Variants in SGCZ observed in about 807,000 individuals in gnomAD.
The protein encoded by SGCZ is zeta-sarcoglycan.
Under a neutral mutation model 41.3 loss-of-function variants are expected in SGCZ, and 40 were observed. The observed-to-expected ratio is 0.97, with a 90% CI of 0.75 to 1.26. The LOEUF (loss-of-function observed/expected upper bound fraction) is 1.26. Ranked by LOEUF, SGCZ falls within the 50% of genes most tolerant of loss-of-function variation. The probability of loss-of-function intolerance (pLI) is 0.00; values close to 1 mark genes in which losing one functional copy is unlikely to be tolerated. For synonymous variants in SGCZ, 206 were observed against 137.5 expected, an observed-to-expected ratio of 1.50 and a Z score of -3.49; for missense variants, 552 against 369.8, an observed-to-expected ratio of 1.49 and a Z score of -4.04.
intron 1 of SGCZ, among the ~76,000 whole-genome samples, chr8:14,563,243 C>A (rs1804261805): frequency 6.6e-6 from 1 of 152,108 alleles, no homozygotes; most frequent in South Asian, 2.1e-4. Context: ...ACAGTCTTCA[C>A]CTTTTCTACT....
At chr8:15,156,642 A>G (rs1371004584) in intron 1 of SGCZ, among the ~76,000 whole-genome samples, 1 of 152,150 alleles carries the variant, frequency 6.6e-6, no homozygotes, top group Non-Finnish European at 1.5e-5. Flanking sequence ...ATACATACCA[A>G]TGTAAAGAAA....
chr8:14,946,291 G>C (rs1800443615), intron 1 of SGCZ, among the ~76,000 whole-genome samples: 1 of 151,084 alleles, frequency 6.6e-6, no homozygotes, highest in Admixed American at 6.6e-5. Flanking sequence ...TCAGTAAACT[G>C]TTCATTGGGC....
chr8:14,703,262 AC>A (rs1290986419), intron 1 of SGCZ, among the ~76,000 whole-genome samples: 2 of 151,702 alleles, frequency 1.3e-5, no homozygotes, highest in Non-Finnish European at 1.5e-5. Flanking sequence ...CTTACCGTCA[AC>A]CCCTTTGCTC....
chr8:14,978,648 C>A (rs1339291201), intron 1 of SGCZ, among the ~76,000 whole-genome samples: 3 of 152,108 alleles, frequency 2.0e-5, no homozygotes, highest in Admixed American at 2.0e-4. Flanking sequence ...AGGCCTGAAA[C>A]AAGTCTTCAA....
At chr8:15,156,859 C>T (rs182771953) in intron 1 of SGCZ, among the ~76,000 whole-genome samples, 71 of 151,138 alleles carry the variant, frequency 4.7e-4, no homozygotes, top group African/African-American at 1.6e-3. Context: ...GCAGGAGATT[C>T]GCTTGAACCC....
rs566267182 is a variant in SGCZ at position 14,844,242 on chromosome 8, A to T, written c.40-289316T>A. On this transcript the variant is annotated intron_variant, in intron 1 of 7. Transcript: ENST00000382080. ...CTGTAAGCATATAAGTGCTATCTAG[A>T]AAAACAACCCTACAACGATTCACTG... Among the ~76,000 whole-genome samples, 295 of 152,218 alleles carry T rather than the reference A, an allele frequency of 1.9e-3. 3 individuals carry two copies. Among genetic ancestry groups the T allele is most frequent in the African/African-American group, 6.9e-3 (287 of 41,508 alleles).
chr8:15,237,482 G>A, intron 1 of SGCZ, 103 bp downstream of exon 1: 4 of 1,388,844 alleles, frequency 2.9e-6, no homozygotes, highest in Non-Finnish European at 4.0e-6. Context: ...TCGTCCCGCG[G>A]GACCACCAAC....
At chr8:14,486,675 G>T (rs571600161) in intron 2 of SGCZ, among the ~76,000 whole-genome samples, 1 of 152,106 alleles carries the variant, frequency 6.6e-6, no homozygotes, top group Admixed American at 6.5e-5. Context: ...CTGGGATCAA[G>T]CAATGCTGCG....
At chr8:14,218,815 T>C (rs182167402) in intron 4 of SGCZ, among the ~76,000 whole-genome samples, 1 of 152,148 alleles carries the variant, frequency 6.6e-6, no homozygotes, top group African/African-American at 2.4e-5. Context: ...GAATGTACAG[T>C]GTTGTGGTGG....
At chr8:15,141,077 ACTT>A (rs1808302891) in intron 1 of SGCZ, among the ~76,000 whole-genome samples, 1 of 152,200 alleles carries the variant, frequency 6.6e-6, no homozygotes, top group East Asian at 1.9e-4. Context: ...TTTTGCCCTG[ACTT>A]CTTATGTAAT....
rs370321915 is a variant in SGCZ, at chr8:15,179,802, G to A, written c.39+57783C>T. On this transcript the variant is annotated intron_variant, in intron 1 of 7. Coordinates refer to ENST00000382080, the MANE Select transcript of SGCZ (RefSeq NM_139167.4). ...GGCAAAATAAAAACGGGTTTGGAAG[G>A]CACGTAACCTGATCATTAGCAGAAG... Among the ~76,000 whole-genome samples, 167 of 152,224 alleles carry A rather than the reference G, an allele frequency of 1.1e-3. No individual in the cohort carries two copies. In the Middle Eastern group the frequency reaches 0.017, roughly 16 times the overall value.
intron 1 of SGCZ, among the ~76,000 whole-genome samples, chr8:14,665,660 C>G (rs924284035): frequency 1.1e-4 from 17 of 152,086 alleles, no homozygotes; most frequent in African/African-American, 4.1e-4. Context: ...TGGCTTTGCT[C>G]AAAGCATCTT....
intron 2 of SGCZ, among the ~76,000 whole-genome samples, chr8:14,339,042 G>C (rs1029451923): frequency 6.6e-5 from 10 of 152,144 alleles, no homozygotes; most frequent in African/African-American, 2.4e-4. Context: ...TTTCTGCCAA[G>C]TGGGAAGAAA....
At chr8:14,636,534 A>G (rs1455217296) in intron 1 of SGCZ, among the ~76,000 whole-genome samples, 1 of 151,900 alleles carries the variant, frequency 6.6e-6, no homozygotes. Flanking sequence ...CTATCTTGTC[A>G]GAATTTTTGC....
intron 2 of SGCZ, among the ~76,000 whole-genome samples, chr8:14,546,776 T>C (rs916478587): frequency 6.6e-6 from 1 of 152,182 alleles, no homozygotes; most frequent in Non-Finnish European, 1.5e-5. Flanking sequence ...AAGTAAACCA[T>C]TTTTTGAAGA....
chr8:14,249,040 T>A (rs1032029238), intron 3 of SGCZ, among the ~76,000 whole-genome samples: 2 of 152,208 alleles, frequency 1.3e-5, no homozygotes, highest in Non-Finnish European at 2.9e-5. Flanking sequence ...TGGAGATGGG[T>A]GTCCAAATAT....
chr8:15,108,520 C>T (rs1036856852), intron 1 of SGCZ, among the ~76,000 whole-genome samples: 2 of 152,148 alleles, frequency 1.3e-5, no homozygotes, highest in Non-Finnish European at 2.9e-5. Context: ...CATTGAACAA[C>T]TGTGCTAAGA....
At chr8:14,506,831 A>G (rs762351419) in intron 2 of SGCZ, among the ~76,000 whole-genome samples, 10 of 152,096 alleles carry the variant, frequency 6.6e-5, no homozygotes, top group Non-Finnish European at 1.0e-4. Context: ...GGCAGCCCAC[A>G]TTCTCTTAGA....
At chr8:15,173,810 G>A (rs1799919191) in intron 1 of SGCZ, among the ~76,000 whole-genome samples, 1 of 152,066 alleles carries the variant, frequency 6.6e-6, no homozygotes, top group African/African-American at 2.4e-5. Context: ...TGTGATCATG[G>A]CTCACTGCAG....
Sources: gnomAD v4.1 joint callset for allele counts (sites outside exome capture counted in the v4.1 genomes callset) on GRCh38, gnomAD v4.1.1 for gene constraint, MANE v1.5 for transcripts, NCBI Gene and HGNC (gene_info 2026-07-23, HGNC 2026-07-21) for gene names.